Variants in FAM178B observed in about 807,000 individuals in gnomAD.
FAM178B encodes protein FAM178B.
A neutral mutation model predicts 91.7 loss-of-function variants in FAM178B; 82 were observed. That is an observed-to-expected ratio of 0.89 (90% confidence interval 0.75 to 1.07). The LOEUF is 1.07. Ranked by LOEUF, FAM178B falls within the 50% of genes least tolerant of loss-of-function variation. The pLI, the probability that FAM178B is intolerant of heterozygous loss-of-function variation, is 0.00. For missense variants in FAM178B, 769 were observed against 846.7 expected, an observed-to-expected ratio of 0.91 and a Z score of 1.14; for synonymous variants, 368 against 359.4, an observed-to-expected ratio of 1.02 and a Z score of -0.27.
intron 6 of FAM178B, chr2:96,956,606 T>G (rs1314437936): frequency 2.0e-5 from 3 of 152,240 alleles, no homozygotes; most frequent in African/African-American, 7.2e-5. Flanking sequence ...AAAAATGGCA[T>G]TTACTTTCCT....
intron 13 of FAM178B, 70 bp from the exon 14 acceptor site, chr2:96,894,121 C>T (rs1193625385): frequency 4.3e-5 from 65 of 1,528,142 alleles, no homozygotes; most frequent in Admixed American, 1.2e-4. Flanking sequence ...TCCCGGGAAT[C>T]GGCCTGGACA....
At chr2:96,980,790 TC>T (rs1234438501) in intron 1 of FAM178B, among the ~76,000 whole-genome samples, 1 of 152,182 alleles carries the variant, frequency 6.6e-6, no homozygotes, top group Non-Finnish European at 1.5e-5. Flanking sequence ...TCTTTTTTTT[TC>T]AATTTTTACA....
intron 14 of FAM178B, among the ~76,000 whole-genome samples, chr2:96,888,890 C>A (rs368979553): frequency 2.4e-4 from 37 of 152,336 alleles, no homozygotes; most frequent in South Asian, 6.2e-4. Flanking sequence ...GCACACCCCC[C>A]CTCCCCGCCA....
At chr2:96,919,213 G>C (rs181446712) in intron 12 of FAM178B, among the ~76,000 whole-genome samples, 3 of 152,330 alleles carry the variant, frequency 2.0e-5, no homozygotes, top group East Asian at 3.9e-4. Context: ...TTTATTGTGT[G>C]TATGTGTGAG....
intron 6 of FAM178B, among the ~76,000 whole-genome samples, chr2:96,954,337 G>A (rs567493339): frequency 1.3e-5 from 2 of 152,316 alleles, no homozygotes; most frequent in South Asian, 2.1e-4. Context: ...CTCCACCCTC[G>A]CCGCCCACTG....
At chr2:96,942,688 C>A (rs906351405) in intron 8 of FAM178B, among the ~76,000 whole-genome samples, 2 of 152,162 alleles carry the variant, frequency 1.3e-5, no homozygotes, top group African/African-American at 4.8e-5. Context: ...AGCCACTGAG[C>A]CTGGCCAACA....
Position 96,889,954 on chromosome 2 carries a change from C to T in FAM178B, c.1776+3972G>A, listed in dbSNP as rs575076568. Reference sequence around the variant, plus strand: ...AGGAGTTTGTGACCAGCCTGGGCAACGTGACAAAACCCCATCTTTATTAAA... The same window carrying T: ...AGGAGTTTGTGACCAGCCTGGGCAATGTGACAAAACCCCATCTTTATTAAA... On this transcript the variant is annotated intron_variant, in intron 14 of 16. Coordinates refer to ENST00000490605, the MANE Select transcript of FAM178B (RefSeq NM_001122646.3). Among the ~76,000 whole-genome samples, 61 of 137,934 alleles carry T rather than the reference C, an allele frequency of 4.4e-4. 1 individual carries two copies. In the East Asian group the frequency reaches 5.7e-3, roughly 13 times the overall value. The allele number at this position is 137,934 out of a possible 152,430, so 90.5% of individuals were successfully genotyped here.
intron 6 of FAM178B, among the ~76,000 whole-genome samples, chr2:96,952,344 G>C (rs2081941535): frequency 6.6e-6 from 1 of 152,212 alleles, no homozygotes; most frequent in South Asian, 2.1e-4. Context: ...GAGTTCCATA[G>C]AGGATTCTTC....
Position 96,970,699 on chromosome 2 carries a change from C to A in FAM178B, c.626+17G>T. 1 of 1,543,600 alleles carries A rather than the reference C, an allele frequency of 6.5e-7. No individual in the cohort carries two copies. The highest frequency in any genetic ancestry group is 8.8e-7 in the Non-Finnish European group (1 of 1,139,752). On this transcript the variant is annotated intron_variant, in intron 4 of 16. Transcript: ENST00000490605. ...GCAGAAATAAGCACCCCATGACAGG[C>A]CACGCCCTGTGCTCACCTCTTCTCC...
At chr2:96,969,951 G>A (rs1474035591) in intron 4 of FAM178B, among the ~76,000 whole-genome samples, 1 of 152,112 alleles carries the variant, frequency 6.6e-6, no homozygotes, top group Non-Finnish European at 1.5e-5. Context: ...GGTGTTCCAG[G>A]GTGGCATCGC....
chr2:96,906,917 C>A lies in FAM178B; in HGVS notation c.1563-4210G>T, dbSNP rs112982030. Among the ~76,000 whole-genome samples, 483 of 152,326 alleles carry A rather than the reference C, an allele frequency of 3.2e-3. 4 individuals carry two copies. Among genetic ancestry groups the A allele is most frequent in the African/African-American group, 0.011 (466 of 41,564 alleles). On this transcript the variant is annotated intron_variant, in intron 12 of 16. Transcript: ENST00000490605. ...TCATTAATCCAAAACTTGAGGCCTG[C>A]GCGGGAGCTCGTTTACTCGTTTACT...
chr2:96,893,204 G>A (rs914046700), intron 14 of FAM178B, among the ~76,000 whole-genome samples: 2 of 151,984 alleles, frequency 1.3e-5, no homozygotes, highest in African/African-American at 4.8e-5. Context: ...AGTCCCCAGG[G>A]GCAGCAGAGT....
intron 12 of FAM178B, among the ~76,000 whole-genome samples, chr2:96,913,139 C>G (rs1341605180): frequency 6.6e-6 from 1 of 152,158 alleles, no homozygotes; most frequent in African/African-American, 2.4e-5. Context: ...GGCAGGACTG[C>G]CAGGATCCAG....
intron 8 of FAM178B, among the ~76,000 whole-genome samples, chr2:96,933,641 CT>C (rs1189903345): frequency 6.6e-6 from 1 of 152,082 alleles, no homozygotes; most frequent in East Asian, 1.9e-4. Context: ...CGGCAGGAGA[CT>C]GGGTCTGCAG....
At chr2:96,894,780 C>T (rs1182915750) in intron 13 of FAM178B, among the ~76,000 whole-genome samples, 15 of 95,906 alleles carry the variant, frequency 1.6e-4, no homozygotes, top group Admixed American at 6.0e-4. Flanking sequence ...TAGATCCCCA[C>T]CCACGCCCAC....
rs529247829 is a variant in FAM178B at position 96,894,043 on chromosome 2, C to T, written c.1659G>A (p.Ser553=). 3 of 1,609,000 alleles carry T rather than the reference C, an allele frequency of 1.9e-6. No homozygotes were observed. Among genetic ancestry groups the T allele is most frequent in the East Asian group, 4.5e-5 (2 of 44,688 alleles). ...TCATGAGGCCCAGGAGCCGGCTGAGCGAGGACAGCTGGGGAGGAGAAGGGA... is the reference window on the plus strand; with the variant it reads ...TCATGAGGCCCAGGAGCCGGCTGAGTGAGGACAGCTGGGGAGGAGAAGGGA... The part of the protein sequence containing the change: ...PLWQEKTQLS[S]LSRLLGLMRP... Residue 553 remains serine (S), a synonymous_variant, in exon 14 of 17, where the codon TCG becomes TCA. Transcript: ENST00000490605.
At chr2:96,931,890 CAAGTA>C (rs1467084578) in intron 8 of FAM178B, among the ~76,000 whole-genome samples, 2 of 149,968 alleles carry the variant, frequency 1.3e-5, no homozygotes, top group Non-Finnish European at 3.0e-5. Flanking sequence ...GGCAACTTAA[CAAGTA>C]AAGAGTGGTA....
chr2:96,898,191 G>A (rs1052127556), intron 13 of FAM178B: 6 of 891,912 alleles, frequency 6.7e-6, no homozygotes, highest in African/African-American at 1.8e-5. Context: ...CACTGATGAG[G>A]AAAGGGAGGG....
intron 6 of FAM178B, among the ~76,000 whole-genome samples, chr2:96,952,418 G>A (rs926966181): frequency 6.6e-6 from 1 of 152,120 alleles, no homozygotes; most frequent in East Asian, 1.9e-4. Context: ...GACCAGCCAC[G>A]CGGCTGTGGC....
Sources: gnomAD v4.1 joint callset for allele counts (sites outside exome capture counted in the v4.1 genomes callset) on GRCh38, gnomAD v4.1.1 for gene constraint, MANE v1.5 for transcripts, NCBI Gene and HGNC (gene_info 2026-07-23, HGNC 2026-07-21) for gene names.